The following CELF4 variants were observed in gnomAD, a reference collection of about 807,000 sequenced individuals.
CELF4 encodes CUGBP Elav-like family member 4.
In CELF4, 18 loss-of-function variants were observed where a neutral mutation model predicts 59.9. That is an observed-to-expected ratio of 0.30 (90% CI 0.21 to 0.45). The LOEUF is 0.45. Among genes scored for constraint, CELF4 ranks in the 20% least tolerant of loss-of-function variants. The pLI is 1.00. For missense variants in CELF4, 456 were observed against 689.0 expected (o/e 0.66, Z 3.79); for synonymous variants, 261 against 267.1 (o/e 0.98, Z 0.22).
chr18:37,353,869 G>A (rs901265184), intron 2 of CELF4, among the ~76,000 whole-genome samples: 20 of 150,080 alleles, frequency 1.3e-4, no homozygotes, highest in Admixed American at 1.1e-3. Flanking sequence ...CCATCCTCCT[G>A]CCTCAGCCTC....
chr18:37,256,836 C>T lies in CELF4; in HGVS notation c.1333+2345G>A, dbSNP rs529177819. ...CTGACCTCAAGTGATCTGCCCGCCT[C>T]AGCCTCCCAAAGTGCTGGGATTATA... On this transcript the variant is annotated intron_variant, in intron 11 of 12. Transcript: ENST00000420428. 4.6e-5 allele frequency among the ~76,000 whole-genome samples: 7 copies of T among 152,318 alleles called. No individual in the cohort carries two copies. In the South Asian group the frequency reaches 1.5e-3, roughly 32 times the overall value.
intron 1 of CELF4, among the ~76,000 whole-genome samples, chr18:37,529,484 C>G (rs1424250660): frequency 6.6e-6 from 1 of 152,204 alleles, no homozygotes; most frequent in East Asian, 1.9e-4. Flanking sequence ...CAAACCAGGG[C>G]ACATCCAATA....
chr18:37,251,596 G>GA (rs2065522733), intron 12 of CELF4, among the ~76,000 whole-genome samples: 1 of 152,124 alleles, frequency 6.6e-6, no homozygotes, highest in African/African-American at 2.4e-5. Flanking sequence ...TCATTAATGA[G>GA]AAAAAAGAAG....
At chr18:37,361,336 C>A (rs73427281) in intron 2 of CELF4, among the ~76,000 whole-genome samples, 209 of 152,296 alleles carry the variant, frequency 1.4e-3, no homozygotes, top group African/African-American at 4.8e-3. Context: ...CTGTGGCTCA[C>A]CAGCTAACCG....
chr18:37,479,834 G>A, intron 2 of CELF4, among the ~76,000 whole-genome samples: 1 of 152,190 alleles, frequency 6.6e-6, no homozygotes, highest in South Asian at 2.1e-4. Context: ...AGATGATCAA[G>A]TTAAGACGAG....
At chr18:37,301,081 CAGAT>C (rs2095999835) in intron 3 of CELF4, among the ~76,000 whole-genome samples, 2 of 152,040 alleles carry the variant, frequency 1.3e-5, no homozygotes, top group Admixed American at 1.3e-4. Flanking sequence ...AGGAGGCAGG[CAGAT>C]AGAAAGGAAG....
intron 2 of CELF4, among the ~76,000 whole-genome samples, chr18:37,408,581 C>T (rs2099408700): frequency 6.6e-6 from 1 of 151,024 alleles, no homozygotes; most frequent in Admixed American, 6.6e-5. Context: ...CATCACACTT[C>T]ACTTTATGAT....
chr18:37,406,383 C>A (rs558075388), intron 2 of CELF4, among the ~76,000 whole-genome samples: 18 of 152,248 alleles, frequency 1.2e-4, no homozygotes, highest in Admixed American at 4.6e-4. Context: ...TAAAAACATG[C>A]CTTCTACGGG....
chr18:37,464,441 C>T (rs952363946), intron 2 of CELF4, among the ~76,000 whole-genome samples: 2 of 152,218 alleles, frequency 1.3e-5, no homozygotes, highest in Non-Finnish European at 2.9e-5. Flanking sequence ...CAGAATGACT[C>T]AGGCAGCCCT....
chr18:37,347,444 C>T (rs1046099900), intron 2 of CELF4, among the ~76,000 whole-genome samples: 1 of 152,170 alleles, frequency 6.6e-6, no homozygotes, highest in African/African-American at 2.4e-5. Flanking sequence ...CTACACTTGG[C>T]TCTCTGTGCC....
intron 10 of CELF4, among the ~76,000 whole-genome samples, chr18:37,262,876 T>C (rs1444797914): frequency 1.3e-5 from 2 of 152,164 alleles, no homozygotes; most frequent in Non-Finnish European, 2.9e-5. Flanking sequence ...GGTAGCCCAG[T>C]GTCCCTCAGC....
At chr18:37,482,681 G>A (rs1277014114) in intron 2 of CELF4, among the ~76,000 whole-genome samples, 1 of 152,110 alleles carries the variant, frequency 6.6e-6, no homozygotes, top group Admixed American at 6.5e-5. Context: ...GAAGACATGT[G>A]CTAGGGGTGC....
chr18:37,290,716 C>T (rs2095278981), intron 3 of CELF4, among the ~76,000 whole-genome samples: 1 of 152,106 alleles, frequency 6.6e-6, no homozygotes, highest in Admixed American at 6.6e-5. Context: ...TTTCTGCCCT[C>T]CTCTGGGCCT....
At chr18:37,535,038 T>C (rs1305696308) in intron 1 of CELF4, among the ~76,000 whole-genome samples, 1 of 152,168 alleles carries the variant, frequency 6.6e-6, no homozygotes, top group Non-Finnish European at 1.5e-5. Flanking sequence ...TGTACTCATT[T>C]CCTCACCCTT....
intron 8 of CELF4, 72 bp from the exon 9 acceptor site, chr18:37,266,670 C>A: frequency 1.6e-6 from 2 of 1,253,558 alleles, no homozygotes; most frequent in South Asian, 1.4e-5. Context: ...CCCATGGGGA[C>A]AATGATGTAG....
intron 2 of CELF4, among the ~76,000 whole-genome samples, chr18:37,471,549 C>A (rs1028485933): frequency 6.6e-6 from 1 of 152,090 alleles, no homozygotes; most frequent in Non-Finnish European, 1.5e-5. Context: ...GGAGCCCCCT[C>A]CATCCACCTA....
chr18:37,373,101 G>T (rs2098922395), intron 2 of CELF4, among the ~76,000 whole-genome samples: 1 of 152,244 alleles, frequency 6.6e-6, no homozygotes, highest in Non-Finnish European at 1.5e-5. Flanking sequence ...GAGACACCAA[G>T]GCAAGCCAGA....
At chr18:37,536,413 C>T (rs2099973527) in intron 1 of CELF4, among the ~76,000 whole-genome samples, 1 of 152,148 alleles carries the variant, frequency 6.6e-6, no homozygotes, top group South Asian at 2.1e-4. Flanking sequence ...TTGTACTTTC[C>T]TGTCTCCCCC....
intron 1 of CELF4, among the ~76,000 whole-genome samples, chr18:37,503,939 C>T (rs938566948): frequency 6.6e-6 from 1 of 152,186 alleles, no homozygotes; most frequent in African/African-American, 2.4e-5. Flanking sequence ...GTTGTCCTCT[C>T]CAGTAAGAAG....
Sources: allele counts gnomAD v4.1 joint callset (sites outside exome capture counted in the v4.1 genomes callset), GRCh38; gene constraint gnomAD v4.1.1; transcripts MANE v1.5; gene names NCBI Gene and HGNC (gene_info 2026-07-23, HGNC 2026-07-21).